Variants in SSH1 observed in about 807,000 individuals in gnomAD.
SSH1 encodes the protein protein phosphatase Slingshot homolog 1.
A neutral mutation model predicts 79.7 loss-of-function variants in SSH1; 43 were observed. The observed-to-expected ratio is 0.54, with a 90% CI of 0.42 to 0.70. The LOEUF is 0.70. Ranked by LOEUF, SSH1 falls within the 30% of genes least tolerant of loss-of-function variation. SSH1 has a pLI of 0.00. For missense variants in SSH1, 1,206 were observed against 1,358.8 expected (o/e 0.89, Z 1.77); for synonymous variants, 599 against 538.3 (o/e 1.11, Z -1.56).
rs772148740 is a variant in SSH1, at chr12:108,805,156, T to C, written c.854A>G (p.Asn285Ser). The change falls in exon 10 of 15, where the codon AAT (asparagine) becomes AGT (serine). Residue 285 changes from asparagine (N) to serine (S), a missense_variant. Physicochemically the swap from Asn to Ser is conservative, Grantham distance 46. Coordinates refer to ENST00000326495, the MANE Select transcript of SSH1 (RefSeq NM_018984.4). The stretch of plus-strand genomic sequence containing the variant: ...TTCCTTGAGTTCCTTCAAGTTACAA[T>C]TCATCTGTTTCTCTAATTCATTACG... ...EIRNELEKQM[N>S]CNLKELKEFI... is the part of the protein sequence containing the mutation. The C allele has an allele frequency of 6.2e-7, 1 of 1,613,658 alleles. No individual in the cohort carries two copies. The highest frequency in any genetic ancestry group is 8.5e-7 in the Non-Finnish European group (1 of 1,179,534).
chr12:108,791,926 G>A (rs2036518586), intron 14 of SSH1: 4 of 1,309,526 alleles, frequency 3.1e-6, no homozygotes, highest in African/African-American at 1.5e-5. Flanking sequence ...GGCTGAAGTT[G>A]GCTGATAAAT....
intron 3 of SSH1, among the ~76,000 whole-genome samples, chr12:108,820,805 C>G (rs1010170083): frequency 1.3e-5 from 2 of 152,206 alleles, no homozygotes; most frequent in South Asian, 2.1e-4. Context: ...AAGGAACTAA[C>G]GTAAGTCTAG....
chr12:108,791,904 T>A (rs1031864401), intron 14 of SSH1: 2 of 1,291,568 alleles, frequency 1.5e-6, no homozygotes, highest in African/African-American at 3.0e-5. Context: ...AGAATAGTCA[T>A]ATATCGATAA....
chr12:108,800,671 G>A (rs1234098097), intron 12 of SSH1, 109 bp downstream of exon 12: 8 of 1,339,104 alleles, frequency 6.0e-6, no homozygotes, highest in Non-Finnish European at 8.4e-6. Context: ...GTCCCGTTAG[G>A]ATCCCCCCTC....
intron 1 of SSH1, chr12:108,853,416 G>A (rs2039083708): frequency 3.3e-6 from 3 of 911,546 alleles, no homozygotes; most frequent in African/African-American, 1.8e-5. Flanking sequence ...ACTCCGCACC[G>A]CTGGGACTTG....
In SSH1 at chr12:108,788,338, G is replaced by A; in HGVS notation, c.2800C>T (p.Arg934Trp). 2 of 1,613,214 alleles carry A rather than the reference G, an allele frequency of 1.2e-6. No homozygotes were observed. The highest frequency in any genetic ancestry group is 1.7e-6 in the Non-Finnish European group (2 of 1,179,928). The change falls in exon 15 of 15, where the codon CGG becomes TGG. Residue 934 changes from arginine to tryptophan, a missense_variant. Arg to Trp is a moderately radical substitution (Grantham distance 101). Around this residue, in one of 5 missense-constraint regions of SSH1, gnomAD observed 709 missense variants for 730.6 expected, o/e 0.97. Transcript: ENST00000326495. ...TGGATGCTATCGCTGCTGGAGCTCC[G>A]GGTCAGGTTGGAGCTCATGGAAGAG... is the stretch of plus-strand genomic sequence containing the variant. ...TSSSMSSNLT[R>W]SSSSDSIHSV...
chr12:108,825,812 A>G (rs1409654361), intron 2 of SSH1, among the ~76,000 whole-genome samples: 1 of 152,198 alleles, frequency 6.6e-6, no homozygotes, highest in East Asian at 1.9e-4. Flanking sequence ...TTTAGCATCC[A>G]TCTGGCCGAT....
At chr12:108,806,782 C>T (rs988173679) in intron 8 of SSH1, among the ~76,000 whole-genome samples, 1 of 152,196 alleles carries the variant, frequency 6.6e-6, no homozygotes, top group Non-Finnish European at 1.5e-5. Context: ...GCAGCAGATC[C>T]CATTATCCCC....
chr12:108,853,040 G>C (rs1392839265), intron 1 of SSH1: 1 of 985,214 alleles, frequency 1.0e-6, no homozygotes, highest in Non-Finnish European at 1.2e-6. Flanking sequence ...TTAAGGGGAG[G>C]GGGTCATGTT....
intron 3 of SSH1, 26 bp downstream of exon 3, chr12:108,823,232 T>C: frequency 6.7e-7 from 1 of 1,490,814 alleles, no homozygotes; most frequent in Non-Finnish European, 9.0e-7. Flanking sequence ...AGCTCCAATG[T>C]AAGAGTATCA....
At chr12:108,795,823 C>A (rs1487682505) in intron 13 of SSH1, among the ~76,000 whole-genome samples, 1 of 152,096 alleles carries the variant, frequency 6.6e-6, no homozygotes, top group Non-Finnish European at 1.5e-5. Context: ...TGCAATCCGG[C>A]CTGGGTGACA....
chr12:108,803,188 T>A (rs997833081), intron 10 of SSH1, among the ~76,000 whole-genome samples: 1 of 152,144 alleles, frequency 6.6e-6, no homozygotes, highest in Non-Finnish European at 1.5e-5. Context: ...AAAATAAATA[T>A]GCCAAAATGT....
intron 14 of SSH1, chr12:108,791,992 G>T: frequency 7.5e-7 from 1 of 1,330,616 alleles, no homozygotes; most frequent in South Asian, 2.7e-5. Context: ...CCCTGCCCAG[G>T]GTATGAATAA....
rs946330584 is a variant in SSH1, at chr12:108,809,880, C to G, written c.471-122G>C. On this transcript the variant is annotated intron_variant, in intron 6 of 14. Coordinates refer to ENST00000326495, the MANE Select transcript of SSH1 (RefSeq NM_018984.4). ...CTGGGAACAAGCACATCTCAGGCCACATGATGAGGGATTTTACGGAACCCG... is the reference window on the plus strand; with the variant it reads ...CTGGGAACAAGCACATCTCAGGCCAGATGATGAGGGATTTTACGGAACCCG... 3.6e-6 allele frequency: 3 copies of G among 831,934 alleles called. No homozygotes were observed. In the African/African-American group the frequency reaches 5.1e-5, roughly 14 times the overall value. The allele number at this position is 831,934 out of a possible 1,614,324, so 51.5% of individuals were successfully genotyped here. A position where few individuals can be genotyped will look rare whatever the true frequency, so the allele number is the denominator to read the frequency against.
rs1172881763 is a variant in SSH1 at position 108,857,574 on chromosome 12, G to T, written c.-78C>A. The stretch of plus-strand genomic sequence containing the variant: ...CGCCACCGCCGCCCGGGCCGGGCCC[G>T]GGGCCTCCTGGAGCCGCGCGCGGGC... On this transcript the variant is annotated 5_prime_UTR_variant, in exon 1 of 15. Transcript: ENST00000326495. This position sits in a 1 kb window ranked among gnomAD's most constrained non-coding sequence, Gnocchi z 4.7. 1.1e-6 allele frequency: 1 copy of T among 883,958 alleles called. No homozygotes were observed. The highest frequency in any genetic ancestry group is 4.8e-5 in the South Asian group (1 of 20,660). The allele number at this position is 883,958 out of a possible 1,614,324, so 54.8% of individuals were successfully genotyped here. A position where few individuals can be genotyped will look rare whatever the true frequency, so the allele number is the denominator to read the frequency against.
intron 14 of SSH1, chr12:108,791,949 T>A: frequency 7.6e-7 from 1 of 1,313,988 alleles, no homozygotes; most frequent in Non-Finnish European, 9.7e-7. Flanking sequence ...TATGTTTTAA[T>A]TTTACATACA....
chr12:108,857,361 C>G lies in SSH1; in HGVS notation c.69+67G>C, dbSNP rs1218686602. 1.1e-6 allele frequency: 1 copy of G among 933,758 alleles called. No individual in the cohort carries two copies. The allele number at this position is 933,758 out of a possible 1,614,324, so 57.8% of individuals were successfully genotyped here. On this transcript the variant is annotated intron_variant, in intron 1 of 14. Transcript: ENST00000326495. The surrounding 1 kb of genome is among the most constrained non-coding windows in gnomAD (Gnocchi z 4.7). ...CGCCCCCCTGCCCCGCACGCGCGGCCCCAGCTCCGGCGGCCTCGGCGCGGC... is the reference window on the plus strand; with the variant it reads ...CGCCCCCCTGCCCCGCACGCGCGGCGCCAGCTCCGGCGGCCTCGGCGCGGC...
In SSH1 at chr12:108,807,380, C is replaced by A. The variant is rs1466505128; in HGVS notation, c.731+253G>T. On this transcript the variant is annotated intron_variant, in intron 8 of 14. Coordinates refer to ENST00000326495, the MANE Select transcript of SSH1 (RefSeq NM_018984.4). This position sits in a 1 kb window ranked among gnomAD's most constrained non-coding sequence, Gnocchi z 5.2. ...TTGAGAGTCTGATGGGAGTTACGGACCCCGTCCCCAGAAATGCATTCACCA... is the reference window on the plus strand; with the variant it reads ...TTGAGAGTCTGATGGGAGTTACGGAACCCGTCCCCAGAAATGCATTCACCA... 6.6e-6 allele frequency among the ~76,000 whole-genome samples: 1 copy of A among 151,954 alleles called. No individual in the cohort carries two copies. The highest frequency in any genetic ancestry group is 1.5e-5 in the Non-Finnish European group (1 of 68,004).
At position 108,789,180 on chromosome 12, in the gene SSH1, A is replaced by C; in HGVS notation, c.1958T>G (p.Met653Arg). The C allele has an allele frequency of 5.0e-6, 8 of 1,610,886 alleles. No homozygotes were observed. Among genetic ancestry groups the C allele is most frequent in the Non-Finnish European group, 6.8e-6 (8 of 1,178,426 alleles). ...AGGAGCCCCGCTGGCTGTAGGGTACATGCAGTCGGCACAGGATTTATAGGA... is the reference window on the plus strand; with the variant it reads ...AGGAGCCCCGCTGGCTGTAGGGTACCTGCAGTCGGCACAGGATTTATAGGA... ...KPSYKSCADCMYPTASGAPEA... is the reference protein window; with the variant it reads ...KPSYKSCADCRYPTASGAPEA... The change falls in exon 15 of 15, where the codon ATG becomes AGG. Residue 653 changes from methionine (M) to arginine (R), a missense_variant. Met to Arg is a moderately conservative substitution (Grantham distance 91, BLOSUM62 -1). Around this residue, in one of 5 missense-constraint regions of SSH1, gnomAD observed 709 missense variants for 730.6 expected, o/e 0.97. Transcript: ENST00000326495.
Sources: allele counts gnomAD v4.1 joint callset (sites outside exome capture counted in the v4.1 genomes callset), GRCh38; gene constraint gnomAD v4.1.1; regional missense constraint gnomAD v4.1.1; non-coding constraint Gnocchi (gnomAD v3.1); transcripts MANE v1.5; gene names NCBI Gene and HGNC (gene_info 2026-07-23, HGNC 2026-07-21).